Variants in B3GNT4 observed in about 807,000 individuals in gnomAD.
B3GNT4 encodes the protein N-acetyllactosaminide beta-1,3-N-acetylglucosaminyltransferase 4.
A neutral mutation model predicts 2.7 loss-of-function variants in B3GNT4; 2 were observed. The ratio of observed to expected loss-of-function variants is 0.73; its 90% confidence interval spans 0.30 to 2.31. The LOEUF (loss-of-function observed/expected upper bound fraction) is 2.31. Ranked by LOEUF, B3GNT4 falls within the 30% of genes most tolerant of loss-of-function variation. The pLI, the probability that B3GNT4 is intolerant of heterozygous loss-of-function variation, is 0.12. For synonymous variants in B3GNT4, 280 were observed against 203.4 expected (o/e 1.38, Z -3.20); for missense variants, 708 against 490.9 (o/e 1.44, Z -4.18).
intron 2 of B3GNT4, 50 bp downstream of exon 2, chr12:122,204,734 C>T (rs1242395417): frequency 3.4e-6 from 5 of 1,468,798 alleles, no homozygotes; most frequent in African/African-American, 1.4e-5. Flanking sequence ...CCCACCCCCG[C>T]ATAGATCTCC....
chr12:122,207,034 C>T lies in B3GNT4; in HGVS notation c.783C>T (p.Phe261=). The change falls in exon 3 of 3, where the codon TTC becomes TTT. Residue 261 remains phenylalanine, a synonymous_variant. Transcript: ENST00000324189. ...LPNRNTKVKY[F]IPPSMYRATH... Reference sequence around the variant, plus strand: ...ACAGGAACACTAAGGTCAAATACTTCATCCCACCCTCAATGTACAGGGCCA... The same window carrying T: ...ACAGGAACACTAAGGTCAAATACTTTATCCCACCCTCAATGTACAGGGCCA... 1.2e-6 allele frequency: 2 copies of T among 1,613,800 alleles called. No homozygotes were observed. The highest frequency in any genetic ancestry group is 1.7e-6 in the Non-Finnish European group (2 of 1,179,830).
chr12:122,205,009 G>C, intron 2 of B3GNT4: 1 of 284,536 alleles, frequency 3.5e-6, no homozygotes. Context: ...GAGTCTGGGT[G>C]ACAGAGACAC....
chr12:122,208,673 C>T lies in B3GNT4; in HGVS notation c.*1285C>T. ...GGGGGTGCTGTGGCTGTCATCTGAA[C>T]CCCTCTTGGGGTCACTTTCCTTGAC... On this transcript the variant is annotated 3_prime_UTR_variant, in exon 3 of 3. Transcript: ENST00000324189. 7.7e-7 allele frequency: 1 copy of T among 1,297,062 alleles called. No individual in the cohort carries two copies. Among genetic ancestry groups the T allele is most frequent in the Non-Finnish European group, 1.1e-6 (1 of 924,018 alleles). 80.3% of individuals were successfully genotyped at this position (1,297,062 alleles called of 1,614,324 possible).
chr12:122,207,874 T>C lies in B3GNT4; in HGVS notation c.*486T>C, dbSNP rs1489346416. On this transcript the variant is annotated 3_prime_UTR_variant, in exon 3 of 3. Coordinates refer to ENST00000324189, the MANE Select transcript of B3GNT4 (RefSeq NM_030765.4). ...GTTTTTCACTCCTTGGCCTCAGCTGTCCTCACAGGACAGTGGGGGCAGATC... is the reference window on the plus strand; with the variant it reads ...GTTTTTCACTCCTTGGCCTCAGCTGCCCTCACAGGACAGTGGGGGCAGATC... 8.7e-6 allele frequency: 4 copies of C among 460,420 alleles called. No homozygotes were observed. The highest frequency in any genetic ancestry group is 6.2e-5 in the South Asian group (4 of 64,530). 28.5% of individuals were successfully genotyped at this position (460,420 alleles called of 1,614,324 possible).
At position 122,207,376 on chromosome 12, in the gene B3GNT4, A is replaced by G; in HGVS notation, c.1125A>G (p.Ile375Met). Residue 375 changes from isoleucine (I) to methionine (M), a missense_variant, in exon 3 of 3, where the codon ATA becomes ATG. Transcript: ENST00000324189. ...DEGLKCAAGP[I>M]PQR ...GGCTCAAGTGTGCAGCTGGCCCCAT[A>G]CCCCAGCGCTGAAGGGTGGGTTGGG... is the stretch of plus-strand genomic sequence containing the variant. 1 of 1,558,164 alleles carries G rather than the reference A, an allele frequency of 6.4e-7. No individual in the cohort carries two copies. Among genetic ancestry groups the G allele is most frequent in the Non-Finnish European group, 8.7e-7 (1 of 1,152,214 alleles).
chr12:122,206,683 G>GGGGGGATGGGCT lies in B3GNT4; in HGVS notation c.433_444dup (p.Gly145_Ala148dup), dbSNP rs762293588. The GGGGGGATGGGCT allele has an allele frequency of 6.2e-7, 1 of 1,612,450 alleles. No homozygotes were observed. Among genetic ancestry groups the GGGGGGATGGGCT allele is most frequent in the Non-Finnish European group, 8.5e-7 (1 of 1,179,452 alleles). On this transcript the variant is annotated inframe_insertion, in exon 3 of 3. Coordinates refer to ENST00000324189, the MANE Select transcript of B3GNT4 (RefSeq NM_030765.4). ...CTATCCGCAGCACGTGGGGCAGGGTGGGGGGATGGGCTAGGGGCCGGCAGC... is the reference window on the plus strand; with the variant it reads ...CTATCCGCAGCACGTGGGGCAGGGTGGGGGGATGGGCTGGGGGATGGGCTAGGGGCCGGCAGC...
chr12:122,206,097 T>G, intron 2 of B3GNT4: 2 of 468,522 alleles, frequency 4.3e-6, no homozygotes, highest in South Asian at 5.3e-5. Context: ...GACCCAGGAG[T>G]CCTCAGATGA....
Position 122,206,767 on chromosome 12 carries a change from C to T in B3GNT4, c.516C>T (p.Ala172=). The T allele has an allele frequency of 6.2e-7, 1 of 1,606,674 alleles. No individual in the cohort carries two copies. The highest frequency in any genetic ancestry group is 8.5e-7 in the Non-Finnish European group (1 of 1,175,932). Residue 172 remains alanine (A), a synonymous_variant, in exon 3 of 3, where the codon GCC becomes GCT. Transcript: ENST00000324189. ...AGSAPPAQLL[A]YESREFDDIL... ...CCGCTCCCCCAGCCCAGCTGCTGGC[C>T]TATGAGAGTAGGGAGTTTGATGACA...
In B3GNT4 at chr12:122,206,572, C is replaced by G; in HGVS notation, c.321C>G (p.Ile107Met). The change falls in exon 3 of 3, where the codon ATC becomes ATG. Residue 107 changes from isoleucine (I) to methionine (M), a missense_variant. Physicochemically the swap from Ile to Met is conservative, Grantham distance 10 (BLOSUM62 1). Transcript: ENST00000324189. ...LTYRHCRNFS[I>M]LLEPSGCSKD... ...ATCGTCACTGCCGAAATTTCTCTAT[C>G]TTGCTGGAGCCTTCAGGCTGTTCCA... 1 of 1,614,208 alleles carries G rather than the reference C, an allele frequency of 6.2e-7. No individual in the cohort carries two copies. Among genetic ancestry groups the G allele is most frequent in the South Asian group, 1.1e-5 (1 of 91,088 alleles).
chr12:122,207,646 A>G lies in B3GNT4; in HGVS notation c.*258A>G. 3.1e-6 allele frequency: 2 copies of G among 638,756 alleles called. No individual in the cohort carries two copies. The highest frequency in any genetic ancestry group is 5.7e-6 in the Non-Finnish European group (2 of 350,580). The allele number at this position is 638,756 out of a possible 1,614,324, so 39.6% of individuals were successfully genotyped here. A position where few individuals can be genotyped will look rare whatever the true frequency, so the allele number is the denominator to read the frequency against. ...CTGGGGCGCTGCAGTCTGGGACCTC[A>G]AGGAAGGAGGCTGCATAGGACCCCA... On this transcript the variant is annotated 3_prime_UTR_variant, in exon 3 of 3. Transcript: ENST00000324189.
chr12:122,208,639 C>A lies in B3GNT4; in HGVS notation c.*1251C>A. 6.4e-7 allele frequency: 1 copy of A among 1,560,526 alleles called. No individual in the cohort carries two copies. Among genetic ancestry groups the A allele is most frequent in the South Asian group, 1.1e-5 (1 of 87,750 alleles). ...GCAGGGCGCGGAAGGCTCATGTGGA[C>A]GTTGGCCTGGGGGTGCTGTGGCTGT... On this transcript the variant is annotated 3_prime_UTR_variant, in exon 3 of 3. Transcript: ENST00000324189.
At position 122,207,833 on chromosome 12, in the gene B3GNT4, C is replaced by T. The variant is rs545435636; in HGVS notation, c.*445C>T. 6.5e-6 allele frequency: 3 copies of T among 462,416 alleles called. No individual in the cohort carries two copies. Among genetic ancestry groups the T allele is most frequent in the African/African-American group, 5.9e-5 (3 of 50,484 alleles). 28.6% of individuals were successfully genotyped at this position (462,416 alleles called of 1,614,324 possible). A position where few individuals can be genotyped will look rare whatever the true frequency, so the allele number is the denominator to read the frequency against. On this transcript the variant is annotated 3_prime_UTR_variant, in exon 3 of 3. Transcript: ENST00000324189. ...ACCAGGTAAACACTCTGCACCCCTT[C>T]TCTTAGTAGTAATAGGTTTTTCACT...
chr12:122,206,634 C>T lies in B3GNT4; in HGVS notation c.383C>T (p.Pro128Leu). Residue 128 changes from proline to leucine, a missense_variant, in exon 3 of 3, where the codon CCT becomes CTT. Coordinates refer to ENST00000324189, the MANE Select transcript of B3GNT4 (RefSeq NM_030765.4). ...TFLLLAIKSQPGHVERRAAIR... is the reference protein window; with the variant it reads ...TFLLLAIKSQLGHVERRAAIR... ...TTGCTCCTGGCCATCAAGTCACAGC[C>T]TGGTCACGTGGAGCGACGTGCGGCT... is the stretch of plus-strand genomic sequence containing the variant. The T allele has an allele frequency of 6.2e-7, 1 of 1,614,016 alleles. No homozygotes were observed. Among genetic ancestry groups the T allele is most frequent in the Non-Finnish European group, 8.5e-7 (1 of 1,180,018 alleles).
chr12:122,207,246 G>A lies in B3GNT4; in HGVS notation c.995G>A (p.Arg332Gln), dbSNP rs758915606. The part of the protein sequence containing the change: ...HAGFKTFGIR[R>Q]PLDPLDPCLY... ...GGCTTCAAGACATTTGGAATCCGGC[G>A]GCCCCTGGACCCCTTAGACCCCTGC... The change falls in exon 3 of 3, where the codon CGG becomes CAG. Residue 332 changes from arginine (R) to glutamine (Q), a missense_variant. Arg to Gln is a conservative substitution (Grantham distance 43). Transcript: ENST00000324189. The A allele has an allele frequency of 4.6e-5, 75 of 1,613,980 alleles. No homozygotes were observed. The highest frequency in any genetic ancestry group is 4.8e-5 in the Non-Finnish European group (57 of 1,180,020).
Position 122,207,079 on chromosome 12 carries a change from T to C in B3GNT4, c.828T>C (p.Ala276=), listed in dbSNP as rs1235952372. 2 of 1,613,980 alleles carry C rather than the reference T, an allele frequency of 1.2e-6. No homozygotes were observed. Among genetic ancestry groups the C allele is most frequent in the Non-Finnish European group, 1.7e-6 (2 of 1,179,958 alleles). The change falls in exon 3 of 3, where the codon GCT becomes GCC. Residue 276 remains alanine (A), a synonymous_variant. Transcript: ENST00000324189. ...MYRATHYPPY[A]GGGGYVMSRA... ...GGGCCACCCACTACCCACCCTATGCTGGTGGGGGAGGATATGTCATGTCCA... is the reference window on the plus strand; with the variant it reads ...GGGCCACCCACTACCCACCCTATGCCGGTGGGGGAGGATATGTCATGTCCA...
At position 122,208,537 on chromosome 12, in the gene B3GNT4, C is replaced by G. The variant is rs747280328; in HGVS notation, c.*1149C>G. ...CCTCTTCCACCTGCAGTTTCACCAG[C>G]TGAATGTGATTCCTGGCGGTTATAG... On this transcript the variant is annotated 3_prime_UTR_variant, in exon 3 of 3. Coordinates refer to ENST00000324189, the MANE Select transcript of B3GNT4 (RefSeq NM_030765.4). 7 of 1,613,978 alleles carry G rather than the reference C, an allele frequency of 4.3e-6. No individual in the cohort carries two copies. Among genetic ancestry groups the G allele is most frequent in the Admixed American group, 1.7e-5 (1 of 60,032 alleles).
chr12:122,204,598 G>C lies in B3GNT4; in HGVS notation c.-21G>C. On this transcript the variant is annotated 5_prime_UTR_variant, in exon 2 of 3. Transcript: ENST00000324189. Reference sequence around the variant, plus strand: ...CGCCGCCCGGCATCCTGAGCACGGAGACAGTCTCCAGCTGCCGTTCATGCT... The same window carrying C: ...CGCCGCCCGGCATCCTGAGCACGGACACAGTCTCCAGCTGCCGTTCATGCT... 1 of 1,600,810 alleles carries C rather than the reference G, an allele frequency of 6.2e-7. No homozygotes were observed. The highest frequency in any genetic ancestry group is 8.6e-7 in the Non-Finnish European group (1 of 1,169,180).
chr12:122,207,211 G>C lies in B3GNT4; in HGVS notation c.960G>C (p.Met320Ile). The C allele has an allele frequency of 6.2e-7, 1 of 1,614,080 alleles. No individual in the cohort carries two copies. The highest frequency in any genetic ancestry group is 1.3e-5 in the African/African-American group (1 of 75,022). ...TGAGGCGGCTGGGGCTGAGCCCTATGCACCATGCTGGCTTCAAGACATTTG... is the reference window on the plus strand; with the variant it reads ...TGAGGCGGCTGGGGCTGAGCCCTATCCACCATGCTGGCTTCAAGACATTTG... ...MCLRRLGLSP[M>I]HHAGFKTFGI... The change falls in exon 3 of 3, where the codon ATG becomes ATC. Residue 320 changes from methionine (M) to isoleucine (I), a missense_variant. Physicochemically the swap from Met to Ile is conservative, Grantham distance 10. Transcript: ENST00000324189.
chr12:122,204,366 C>G (rs1357628124), intron 1 of B3GNT4, among the ~76,000 whole-genome samples, 156 bp from the exon 2 acceptor site: 1 of 151,662 alleles, frequency 6.6e-6, no homozygotes, highest in Non-Finnish European at 1.5e-5. Context: ...GGGGCGAGGC[C>G]GTGCGGCCAG....
Sources: gnomAD v4.1 joint callset for allele counts (sites outside exome capture counted in the v4.1 genomes callset) on GRCh38, gnomAD v4.1.1 for gene constraint, MANE v1.5 for transcripts, NCBI Gene and HGNC (gene_info 2026-07-23, HGNC 2026-07-21) for gene names.